NPFFR2: variants seen among roughly 807,000 people sequenced by gnomAD.
The protein encoded by NPFFR2 is G-protein coupled receptor 74.
In NPFFR2, 15 loss-of-function variants were observed where a neutral mutation model predicts 13.1. That is an observed-to-expected ratio of 1.15 (90% CI 0.77 to 1.76). The LOEUF (loss-of-function observed/expected upper bound fraction) is 1.76. Ranked by LOEUF, NPFFR2 falls within the 40% of genes most tolerant of loss-of-function variation. The pLI is 0.00. For synonymous variants in NPFFR2, 190 were observed against 175.7 expected (o/e 1.08, Z -0.65); for missense variants, 572 against 503.5 (o/e 1.14, Z -1.30).
At chr4:72,085,258 G>A (rs1351126631) in intron 1 of NPFFR2, among the ~76,000 whole-genome samples, 2 of 152,060 alleles carry the variant, frequency 1.3e-5, no homozygotes, top group African/African-American at 4.8e-5. Context: ...TGGAGTTATT[G>A]TTTGCTCTCA....
rs1034672496 is a variant in NPFFR2, at chr4:72,106,308, A to G, written c.-7-22277A>G. Among the ~76,000 whole-genome samples the G allele has an allele frequency of 4.6e-5, 7 of 151,984 alleles. 1 individual carries two copies. Among genetic ancestry groups the G allele is most frequent in the Non-Finnish European group, 8.8e-5 (6 of 67,970 alleles). Reference sequence around the variant, plus strand: ...GTCACTCGCCAACTGACACTCCTAGAGTCTTTCTGGACAAAAGATGCATTA... The same window carrying G: ...GTCACTCGCCAACTGACACTCCTAGGGTCTTTCTGGACAAAAGATGCATTA... On this transcript the variant is annotated intron_variant, in intron 1 of 3. Transcript: ENST00000308744.
At chr4:72,034,539 A>G (rs1718997128) in intron 1 of NPFFR2, among the ~76,000 whole-genome samples, 1 of 152,250 alleles carries the variant, frequency 6.6e-6, no homozygotes. Context: ...GGGGATTACA[A>G]GAACTACAAT....
At chr4:72,137,835 A>G (rs561997880) in intron 2 of NPFFR2, among the ~76,000 whole-genome samples, 3 of 152,360 alleles carry the variant, frequency 2.0e-5, no homozygotes, top group Admixed American at 1.3e-4. Flanking sequence ...TGTGATAACT[A>G]CTATGTAAGT....
intron 3 of NPFFR2, among the ~76,000 whole-genome samples, chr4:72,143,492 C>A (rs1330886843): frequency 6.6e-6 from 1 of 152,130 alleles, no homozygotes; most frequent in Admixed American, 6.5e-5. Flanking sequence ...TATTCAGGCC[C>A]TCAGATGACT....
At chr4:72,069,474 C>T (rs898687892) in intron 1 of NPFFR2, among the ~76,000 whole-genome samples, 2 of 151,980 alleles carry the variant, frequency 1.3e-5, no homozygotes, top group Non-Finnish European at 1.5e-5. Context: ...AAAGTCCAAC[C>T]GGAAAAATTC....
chr4:72,034,688 T>G (rs1718999810), intron 1 of NPFFR2, among the ~76,000 whole-genome samples: 1 of 152,256 alleles, frequency 6.6e-6, no homozygotes, highest in South Asian at 2.1e-4. Context: ...TGATTTTCTT[T>G]TCCTCTCTGT....
chr4:72,093,894 G>A (rs187117147), intron 1 of NPFFR2, among the ~76,000 whole-genome samples: 1 of 151,638 alleles, frequency 6.6e-6, no homozygotes, highest in East Asian at 1.9e-4. Flanking sequence ...GTATATTTTG[G>A]GGGTGATAAC....
chr4:72,111,325 G>A (rs1021591167), intron 1 of NPFFR2, among the ~76,000 whole-genome samples: 15 of 152,026 alleles, frequency 9.9e-5, no homozygotes, highest in African/African-American at 3.4e-4. Flanking sequence ...CTGTGAGAAT[G>A]CATATTGTAC....
In NPFFR2 at chr4:72,091,988, C is replaced by T. The variant is rs114075915; in HGVS notation, c.-7-36597C>T. On this transcript the variant is annotated intron_variant, in intron 1 of 3. Coordinates refer to ENST00000308744, the MANE Select transcript of NPFFR2 (RefSeq NM_004885.3). The stretch of plus-strand genomic sequence containing the variant: ...GAGGCATTTAATGGTATGAACTTTC[C>T]TTTTAACACTGTTTTTGCTATATCC... Among the ~76,000 whole-genome samples, 1,462 of 152,046 alleles carry T rather than the reference C, an allele frequency of 9.6e-3. 30 individuals carry two copies. Among genetic ancestry groups the T allele is most frequent in the African/African-American group, 0.034 (1,402 of 41,504 alleles).
chr4:72,114,185 T>C (rs929288520), intron 1 of NPFFR2, among the ~76,000 whole-genome samples: 1 of 152,078 alleles, frequency 6.6e-6, no homozygotes, highest in Non-Finnish European at 1.5e-5. Context: ...TGCATAAATA[T>C]AAAATTCATT....
At chr4:72,107,529 T>C (rs1304192773) in intron 1 of NPFFR2, among the ~76,000 whole-genome samples, 1 of 151,874 alleles carries the variant, frequency 6.6e-6, no homozygotes, top group East Asian at 1.9e-4. Flanking sequence ...TGGGATACTA[T>C]GAGTAGCTAC....
At chr4:72,034,214 C>T (rs1718990305) in intron 1 of NPFFR2, among the ~76,000 whole-genome samples, 1 of 152,128 alleles carries the variant, frequency 6.6e-6, no homozygotes, top group East Asian at 1.9e-4. Context: ...TAAAACACAT[C>T]TGGATTAGTC....
At chr4:72,122,315 C>T (rs1721906434) in intron 1 of NPFFR2, among the ~76,000 whole-genome samples, 1 of 152,136 alleles carries the variant, frequency 6.6e-6, no homozygotes. Context: ...GAGACTTTAA[C>T]ACCCCACTGT....
intron 3 of NPFFR2, among the ~76,000 whole-genome samples, chr4:72,139,721 G>A (rs1166218275): frequency 6.6e-6 from 1 of 152,138 alleles, no homozygotes; most frequent in Non-Finnish European, 1.5e-5. Flanking sequence ...TTTTGGCTTA[G>A]GATTATCTTG....
Position 72,050,519 on chromosome 4 carries a change from C to A in NPFFR2, c.-8+18319C>A, listed in dbSNP as rs142721194. On this transcript the variant is annotated intron_variant, in intron 1 of 3. Transcript: ENST00000308744. ...ACAGACTCTTTGCAGCAATAAAATA[C>A]CAAATTCCAACCCGACTCTATTATA... Among the ~76,000 whole-genome samples, 886 of 152,076 alleles carry A rather than the reference C, an allele frequency of 5.8e-3. 5 individuals are homozygous for A. Among genetic ancestry groups the A allele is most frequent in the African/African-American group, 0.021 (852 of 41,508 alleles).
chr4:72,041,491 T>C (rs2109755720), intron 1 of NPFFR2, among the ~76,000 whole-genome samples: 1 of 152,348 alleles, frequency 6.6e-6, no homozygotes, highest in African/African-American at 2.4e-5. Context: ...TAGAATGATT[T>C]ATTTTCCTTT....
chr4:72,036,588 T>TA (rs1305778620), intron 1 of NPFFR2, among the ~76,000 whole-genome samples: 2 of 148,092 alleles, frequency 1.4e-5, no homozygotes, highest in East Asian at 3.9e-4. Context: ...ATAGTATATA[T>TA]AATGTATATA....
In NPFFR2 at chr4:72,109,953, C is replaced by A. The variant is rs1384643548; in HGVS notation, c.-7-18632C>A. Among the ~76,000 whole-genome samples, 3 of 152,022 alleles carry A rather than the reference C, an allele frequency of 2.0e-5. No individual in the cohort carries two copies. The East Asian group carries it at 5.8e-4, about 29-fold the overall frequency. ...TTACTTTGCTTCATGGGGAGCAATT[C>A]GCAAGACACAGAACATGCAGCAATT... On this transcript the variant is annotated intron_variant, in intron 1 of 3. Coordinates refer to ENST00000308744, the MANE Select transcript of NPFFR2 (RefSeq NM_004885.3).
chr4:72,068,500 C>A (rs1437981617), intron 1 of NPFFR2, among the ~76,000 whole-genome samples: 2 of 152,202 alleles, frequency 1.3e-5, no homozygotes, highest in Middle Eastern at 3.2e-3. Flanking sequence ...TAAGTTTCAA[C>A]ACCTGAATTT....
Sources: allele counts gnomAD v4.1 joint callset (sites outside exome capture counted in the v4.1 genomes callset), GRCh38; gene constraint gnomAD v4.1.1; transcripts MANE v1.5; gene names NCBI Gene and HGNC (gene_info 2026-07-23, HGNC 2026-07-21).